SPEN: variants seen among roughly 807,000 people sequenced by gnomAD.
The protein encoded by SPEN is spen family transcriptional repressor, also known as msx2-interacting protein.
Under a neutral mutation model 269.9 loss-of-function variants are expected in SPEN, and 18 were observed. The ratio of observed to expected loss-of-function variants is 0.07; its 90% CI spans 0.05 to 0.10. The LOEUF (loss-of-function observed/expected upper bound fraction) is 0.10, where lower values mean the gene tolerates loss of function less well. Ranked by LOEUF, SPEN falls within the 10% of genes least tolerant of loss-of-function variation. The probability of loss-of-function intolerance (pLI) is 1.00; values close to 1 mark genes in which losing one functional copy is unlikely to be tolerated. For synonymous variants in SPEN, 1,726 were observed against 1,765.7 expected (o/e 0.98, Z 0.56); for missense variants, 3,822 against 4,631.2 (o/e 0.83, Z 5.07).
intron 3 of SPEN, among the ~76,000 whole-genome samples, chr1:15,879,088 C>T (rs566634302): frequency 1.3e-5 from 2 of 150,446 alleles, no homozygotes; most frequent in Admixed American, 1.3e-4. Context: ...CCTGTAATTC[C>T]AGCACACTAT....
At chr1:15,874,339 C>T (rs1288049665) in intron 2 of SPEN, 1 of 1,366,412 alleles carries the variant, frequency 7.3e-7, no homozygotes, top group Non-Finnish European at 9.8e-7. Flanking sequence ...GTTATGTTCA[C>T]AATTCTCTCC....
In SPEN at chr1:15,935,441, C is replaced by T. The variant is rs769131237; in HGVS notation, c.9201C>T (p.Phe3067=). The T allele has an allele frequency of 1.2e-6, 2 of 1,614,170 alleles. No individual in the cohort carries two copies. The highest frequency in any genetic ancestry group is 1.3e-5 in the African/African-American group (1 of 75,012). ...CTGCAGGCATCCCAGTGCCCCAGTT[C>T]ATCTCCAGCATCCACCCAGAGCAGT... ...MLAAGIPVPQ[F]ISSIHPEQSV... Residue 3067 remains phenylalanine (F), a synonymous_variant, in exon 11 of 15, where the codon TTC becomes TTT. Coordinates refer to ENST00000375759, the MANE Select transcript of SPEN (RefSeq NM_015001.3). This position sits in a 1 kb window ranked among gnomAD's most constrained non-coding sequence, Gnocchi z 7.7.
intron 6 of SPEN, among the ~76,000 whole-genome samples, chr1:15,917,129 A>T (rs2071074396): frequency 6.6e-6 from 1 of 152,206 alleles, no homozygotes; most frequent in African/African-American, 2.4e-5. Context: ...CCCTGTCTCC[A>T]AAAATAGAAG....
rs3048559 is a variant in SPEN, at chr1:15,879,004, CAAAAAAAAAAAA to C, written c.881+2335_881+2346del. On this transcript the variant is annotated intron_variant, in intron 3 of 14. Coordinates refer to ENST00000375759, the MANE Select transcript of SPEN (RefSeq NM_015001.3). ...GGTGACAGATGATGAGACTCTGTCT[CAAAAAAAAAAAA>C]AAAAAAAAGAAAAGAAAAGAAAAAA... Among the ~76,000 whole-genome samples, 158 of 76,550 alleles carry C rather than the reference CAAAAAAAAAAAA, an allele frequency of 2.1e-3. 1 individual carries two copies. Among genetic ancestry groups the C allele is most frequent in the Non-Finnish European group, 3.6e-3 (141 of 39,668 alleles). 50.2% of individuals were successfully genotyped at this position (76,550 alleles called of 152,430 possible).
intron 8 of SPEN, among the ~76,000 whole-genome samples, chr1:15,920,354 G>A (rs929530964): frequency 2.0e-5 from 3 of 152,072 alleles, no homozygotes; most frequent in African/African-American, 4.8e-5. Context: ...CAGGCACTGC[G>A]CCTGGCAGAC....
intron 5 of SPEN, among the ~76,000 whole-genome samples, chr1:15,912,943 T>G (rs993234628): frequency 2.0e-5 from 3 of 152,188 alleles, no homozygotes; most frequent in African/African-American, 7.2e-5. Context: ...GCTTTTAACC[T>G]AGTTATTTAG....
chr1:15,874,375 G>A (rs753096000), intron 2 of SPEN: 8 of 1,365,170 alleles, frequency 5.9e-6, no homozygotes, highest in South Asian at 2.3e-5. Flanking sequence ...ATTATAGGTC[G>A]TGTTTCCACA....
intron 1 of SPEN, among the ~76,000 whole-genome samples, chr1:15,858,963 AACTT>A (rs898285180): frequency 7.2e-5 from 11 of 152,050 alleles, no homozygotes; most frequent in African/African-American, 2.7e-4. Context: ...ACAAACAAAA[AACTT>A]AATGTTTTGA....
rs1255719113 is a variant in SPEN, at chr1:15,938,489, CTA to C, written c.10705-228_10705-227del. On this transcript the variant is annotated intron_variant, in intron 13 of 14. Coordinates refer to ENST00000375759, the MANE Select transcript of SPEN (RefSeq NM_015001.3). ...CTTGGTGGGGGGATGTAAAGTACCT[CTA>C]GACCCAGAAACAAGGCTTTACAGTT... 1.1e-4 allele frequency: 49 copies of C among 440,204 alleles called. No homozygotes were observed. In the East Asian group the frequency reaches 2.0e-3, roughly 18 times the overall value. The allele number at this position is 440,204 out of a possible 1,614,324, so 27.3% of individuals were successfully genotyped here.
intron 3 of SPEN, among the ~76,000 whole-genome samples, chr1:15,894,368 T>A (rs942617472): frequency 1.3e-5 from 2 of 152,138 alleles, no homozygotes; most frequent in African/African-American, 2.4e-5. Flanking sequence ...TGATGCTTTT[T>A]GCTTTGAGTT....
rs1367838182 is a variant in SPEN at position 15,876,599 on chromosome 1, T to C, written c.802T>C (p.Ser268Pro). 7 of 1,613,904 alleles carry C rather than the reference T, an allele frequency of 4.3e-6. No homozygotes were observed. The highest frequency in any genetic ancestry group is 5.1e-6 in the Non-Finnish European group (6 of 1,180,016). The change falls in exon 3 of 15, where the codon TCC (serine) becomes CCC (proline). Residue 268 changes from serine (S) to proline (P), a missense_variant. Ser to Pro is a moderately conservative substitution (Grantham distance 74). Around this residue, in one of 16 missense-constraint regions of SPEN, gnomAD observed 327 missense variants for 350.8 expected, o/e 0.93. Transcript: ENST00000375759. ...LASQASRPTR[S>P]PSGSGSRSRS... ...TAGCCAAGCATCTAGACCCACAAGG[T>C]CCCCTAGCGGCAGCGGCTCTAGAAG...
In SPEN at chr1:15,851,626, T is replaced by G. The variant is rs536486586; in HGVS notation, c.83+3476T>G. On this transcript the variant is annotated intron_variant, in intron 1 of 14. Coordinates refer to ENST00000375759, the MANE Select transcript of SPEN (RefSeq NM_015001.3). ...GCGAATTTAGTTCTTCCCATCCATC[T>G]CCAGTTTTAGAGACTAGGTTAAAGA... Among the ~76,000 whole-genome samples the G allele has an allele frequency of 2.8e-4, 43 of 152,332 alleles. 1 individual carries two copies. The highest frequency in any genetic ancestry group is 9.6e-4 in the African/African-American group (40 of 41,572).
chr1:15,870,194 C>T (rs1237023016), intron 1 of SPEN, among the ~76,000 whole-genome samples: 3 of 152,010 alleles, frequency 2.0e-5, no homozygotes. Context: ...GAATAAGGCA[C>T]AGCTGTGGTG....
Position 15,929,389 on chromosome 1 carries a change from A to C in SPEN, c.3149A>C (p.Lys1050Thr). Residue 1050 changes from lysine to threonine, a missense_variant, in exon 11 of 15, where the codon AAA becomes ACA. This residue lies in a region of SPEN where 572 missense variants were observed against 582.6 expected (regional missense o/e 0.98). Transcript: ENST00000375759. This position sits in a 1 kb window ranked among gnomAD's most constrained non-coding sequence, Gnocchi z 5.8. ...VRKEILKRES[K>T]KIKLDRLNTV... ...AAAGAAATTCTTAAAAGAGAATCTA[A>C]AAAAATCAAACTGGACAGACTTAAT... is the stretch of plus-strand genomic sequence containing the variant. The C allele has an allele frequency of 6.2e-7, 1 of 1,613,120 alleles. No homozygotes were observed. Among genetic ancestry groups the C allele is most frequent in the Non-Finnish European group, 8.5e-7 (1 of 1,179,742 alleles).
chr1:15,875,310 C>T (rs1010624734), intron 2 of SPEN, among the ~76,000 whole-genome samples: 1 of 151,970 alleles, frequency 6.6e-6, no homozygotes, highest in Admixed American at 6.6e-5. Context: ...TAATAGCGAC[C>T]TTAGAATATC....
At chr1:15,874,222 C>G in intron 2 of SPEN, 5 of 1,366,500 alleles carry the variant, frequency 3.7e-6, no homozygotes, top group Non-Finnish European at 4.9e-6. Flanking sequence ...ATTATTTTGT[C>G]TGGTCACTAA....
Position 15,928,663 on chromosome 1 carries a change from TAA to T in SPEN, c.2424_2425del (p.Leu808PhefsTer12). 1 of 1,613,894 alleles carries T rather than the reference TAA, an allele frequency of 6.2e-7. No individual in the cohort carries two copies. Among genetic ancestry groups the T allele is most frequent in the Non-Finnish European group, 8.5e-7 (1 of 1,180,008 alleles). On this transcript the variant is annotated frameshift_variant, in exon 11 of 15. Coordinates refer to ENST00000375759, the MANE Select transcript of SPEN (RefSeq NM_015001.3). LOFTEE classifies it high-confidence loss of function. This position sits in a 1 kb window ranked among gnomAD's most constrained non-coding sequence, Gnocchi z 5.7. ...GAGAGAGTGGAGAGAGAGAGACGCT[TAA>T]TACGGAAGGAAAAAGTGGAAAAGGA...
chr1:15,900,833 C>A (rs554715542), intron 3 of SPEN, among the ~76,000 whole-genome samples: 6 of 152,172 alleles, frequency 3.9e-5, no homozygotes, highest in Non-Finnish European at 4.4e-5. Context: ...TTGGGACTTT[C>A]CTGTGCACTG....
At chr1:15,891,005 C>T (rs2070783099) in intron 3 of SPEN, among the ~76,000 whole-genome samples, 1 of 152,150 alleles carries the variant, frequency 6.6e-6, no homozygotes, top group Non-Finnish European at 1.5e-5. Context: ...GGCTGCAGTA[C>T]TGGATATCCT....
Sources: gnomAD v4.1 joint callset for allele counts (sites outside exome capture counted in the v4.1 genomes callset) on GRCh38, gnomAD v4.1.1 for gene constraint, gnomAD v4.1.1 regional missense constraint, Gnocchi (gnomAD v3.1) non-coding constraint, MANE v1.5 for transcripts, NCBI Gene and HGNC (gene_info 2026-07-23, HGNC 2026-07-21) for gene names.